The following UNC80 variants were observed in gnomAD, a reference collection of about 807,000 sequenced individuals.
UNC80 encodes unc-80 subunit of NALCN channel complex.
A neutral mutation model predicts 384.6 loss-of-function variants in UNC80; 164 were observed. The observed-to-expected ratio is 0.43, with a 90% CI of 0.38 to 0.49. The LOEUF is 0.49. UNC80 is among the 20% of genes least tolerant of loss of function. UNC80 has a pLI of 0.00. For synonymous variants in UNC80, 1,486 were observed against 1,527.8 expected (o/e 0.97, Z 0.64); for missense variants, 3,330 against 4,143.0 (o/e 0.80, Z 5.39).
chr2:209,806,745 G>A (rs1215135060), intron 7 of UNC80, among the ~76,000 whole-genome samples: 1 of 152,196 alleles, frequency 6.6e-6, no homozygotes, highest in Non-Finnish European at 1.5e-5. Flanking sequence ...TAAGTGAACT[G>A]CACATCAGTC....
At chr2:209,988,527 A>T (rs997075065) in intron 61 of UNC80, among the ~76,000 whole-genome samples, 1 of 152,196 alleles carries the variant, frequency 6.6e-6, no homozygotes, top group Non-Finnish European at 1.5e-5. Context: ...GATGAAGTGT[A>T]TATAGTGCAT....
chr2:209,967,665 C>A, intron 52 of UNC80, 28 bp downstream of exon 52: 2 of 1,542,552 alleles, frequency 1.3e-6, no homozygotes, highest in Non-Finnish European at 1.8e-6. Context: ...TTAGCTGTTG[C>A]TATCACAAAT....
At chr2:209,955,172 C>T (rs1049178076) in intron 48 of UNC80, among the ~76,000 whole-genome samples, 1 of 152,012 alleles carries the variant, frequency 6.6e-6, no homozygotes, top group Non-Finnish European at 1.5e-5. Flanking sequence ...TGCTGTGTGT[C>T]CAATCTAAAG....
At chr2:209,952,981 A>G (rs531707493) in intron 47 of UNC80, among the ~76,000 whole-genome samples, 1 of 152,346 alleles carries the variant, frequency 6.6e-6, no homozygotes, top group African/African-American at 2.4e-5. Context: ...TATTATAAAG[A>G]GCATAGCAAA....
intron 42 of UNC80, among the ~76,000 whole-genome samples, chr2:209,938,672 C>CTCTG: frequency 8.8e-6 from 1 of 113,686 alleles, no homozygotes; most frequent in East Asian, 2.6e-4. Context: ...CTTGCCTAGT[C>CTCTG]TCTGTCTCTC....
At chr2:209,823,578 AG>A (rs2153828053) in intron 13 of UNC80, among the ~76,000 whole-genome samples, 1 of 152,280 alleles carries the variant, frequency 6.6e-6, no homozygotes, top group South Asian at 2.1e-4. Flanking sequence ...CTCCACCTAG[AG>A]GGGTGCCTTT....
chr2:209,945,263 C>T (rs2091858147), intron 46 of UNC80, 74 bp downstream of exon 46: 2 of 1,396,816 alleles, frequency 1.4e-6, no homozygotes, highest in Non-Finnish European at 1.9e-6. Context: ...ATTATACACA[C>T]ATACACGTAT....
intron 58 of UNC80, among the ~76,000 whole-genome samples, chr2:209,977,971 G>C (rs1021497217): frequency 6.6e-6 from 1 of 152,106 alleles, no homozygotes; most frequent in Non-Finnish European, 1.5e-5. Context: ...AAATTGACAG[G>C]TATAATCCTG....
Position 209,943,492 on chromosome 2 carries a change from T to C in UNC80, c.7028T>C (p.Val2343Ala). 2 of 1,551,758 alleles carry C rather than the reference T, an allele frequency of 1.3e-6. No individual in the cohort carries two copies. Among genetic ancestry groups the C allele is most frequent in the South Asian group, 2.4e-5 (2 of 84,062 alleles). The change falls in exon 45 of 65, where the codon GTG (valine) becomes GCG (alanine). Residue 2343 changes from valine (V) to alanine (A), a missense_variant. This residue lies in a region of UNC80 where 1,049 missense variants were observed against 1,488.6 expected (regional missense o/e 0.70). Transcript: ENST00000673920. ...KPFVLQLFAS[V>A]APLLEFPDAA... ...TTTGTGCTCCAGCTGTTTGCTAGTGTGGCCCCTCTCCTGGAATTTCCTGTA... is the reference window on the plus strand; with the variant it reads ...TTTGTGCTCCAGCTGTTTGCTAGTGCGGCCCCTCTCCTGGAATTTCCTGTA...
At chr2:209,935,863 A>G in intron 40 of UNC80, 55 bp downstream of exon 40, 1 of 1,027,816 alleles carries the variant, frequency 9.7e-7, no homozygotes, top group African/African-American at 1.7e-5. Flanking sequence ...TGGCCACCTC[A>G]CTGAAGATCC....
rs1003237700 is a variant in UNC80, at chr2:209,965,263, C to G, written c.7806-2174C>G. 3.3e-5 allele frequency among the ~76,000 whole-genome samples: 5 copies of G among 151,966 alleles called. No homozygotes were observed. The South Asian group carries it at 1.0e-3, about 32-fold the overall frequency. On this transcript the variant is annotated intron_variant, in intron 51 of 64. Transcript: ENST00000673920. ...ACCAGCCTGGGCAACATAGCAAAAC[C>G]CCATCTCTACAAAAACTACAAAAAT...
rs1184974346 is a variant in UNC80 at position 209,786,202 on chromosome 2, G to A, written c.724+13G>A. 4 of 1,612,790 alleles carry A rather than the reference G, an allele frequency of 2.5e-6. No individual in the cohort carries two copies. The African/African-American group carries it at 4.0e-5, about 16-fold the overall frequency. On this transcript the variant is annotated intron_variant, in intron 5 of 64. Coordinates refer to ENST00000673920, the MANE Select transcript of UNC80 (RefSeq NM_001371986.1). ...AACATCATTACAGGTTTGTAACTTG[G>A]ACACTCAGTAGGACAGTATTAGCAG...
chr2:209,994,768 A>G (rs2093454692), intron 64 of UNC80, among the ~76,000 whole-genome samples: 1 of 152,202 alleles, frequency 6.6e-6, no homozygotes, highest in East Asian at 1.9e-4. Context: ...AAGCATTCAG[A>G]TAAAGGATAG....
At chr2:209,938,710 C>CTCTCTCTGTGTGTGTGTGTGTG (rs1491352008) in intron 42 of UNC80, among the ~76,000 whole-genome samples, 8 of 83,508 alleles carry the variant, frequency 9.6e-5, no homozygotes, top group African/African-American at 3.1e-4. Flanking sequence ...CTCTCTCTCT[C>CTCTCTCTGTGTGTGTGTGTGTG]TGTGTGTGTG....
Position 209,952,292 on chromosome 2 carries a change from C to T in UNC80, c.7287-1808C>T, listed in dbSNP as rs901286521. ...GCTTTGAGGATCTACCCGATGTTAT[C>T]TTCCTCCAAAAATGATTCATTTTTA... On this transcript the variant is annotated intron_variant, in intron 47 of 64. Transcript: ENST00000673920. Among the ~76,000 whole-genome samples the T allele has an allele frequency of 2.6e-5, 4 of 152,064 alleles. No individual in the cohort carries two copies. In the South Asian group the frequency reaches 8.3e-4, roughly 32 times the overall value.
intron 7 of UNC80, among the ~76,000 whole-genome samples, chr2:209,811,096 T>G (rs2079316007): frequency 6.6e-6 from 1 of 152,036 alleles, no homozygotes; most frequent in Non-Finnish European, 1.5e-5. Context: ...GAAATGAAAA[T>G]CAAAGTTTTT....
Position 209,998,191 on chromosome 2 carries a change from T to C in UNC80, c.*2596T>C, listed in dbSNP as rs2093510577. Reference sequence around the variant, plus strand: ...AGAGGTTGCTTCTTCTGAAATTAGCTTTTGAGAGACCTTGGAATAAACCAT... The same window carrying C: ...AGAGGTTGCTTCTTCTGAAATTAGCCTTTGAGAGACCTTGGAATAAACCAT... On this transcript the variant is annotated 3_prime_UTR_variant, in exon 65 of 65. Transcript: ENST00000673920. 6.6e-6 allele frequency: 1 copy of C among 152,180 alleles called. No individual in the cohort carries two copies. Among genetic ancestry groups the C allele is most frequent in the Non-Finnish European group, 1.5e-5 (1 of 68,016 alleles). 9.4% of individuals were successfully genotyped at this position (152,180 alleles called of 1,614,324 possible). A position where few individuals can be genotyped will look rare whatever the true frequency, so the allele number is the denominator to read the frequency against.
intron 11 of UNC80, among the ~76,000 whole-genome samples, chr2:209,818,157 C>T (rs1039854400): frequency 3.9e-5 from 6 of 152,196 alleles, no homozygotes; most frequent in African/African-American, 1.4e-4. Flanking sequence ...CACCATACCT[C>T]TCACAGGGAG....
intron 22 of UNC80, among the ~76,000 whole-genome samples, chr2:209,853,883 G>C (rs1371599819): frequency 6.6e-6 from 1 of 152,090 alleles, no homozygotes; most frequent in Non-Finnish European, 1.5e-5. Context: ...CCTAGTCTGT[G>C]AGTGGAGGAA....
Sources: allele counts gnomAD v4.1 joint callset (sites outside exome capture counted in the v4.1 genomes callset), GRCh38; gene constraint gnomAD v4.1.1; regional missense constraint gnomAD v4.1.1; transcripts MANE v1.5; gene names NCBI Gene and HGNC (gene_info 2026-07-23, HGNC 2026-07-21).